VLDLR: variants seen among roughly 807,000 people sequenced by gnomAD.
VLDLR encodes very low-density lipoprotein receptor.
In VLDLR, 81 loss-of-function variants were observed where a neutral mutation model predicts 112.7. The ratio of observed to expected loss-of-function variants is 0.72; its 90% confidence interval spans 0.60 to 0.86. The LOEUF (loss-of-function observed/expected upper bound fraction) is 0.86. Ranked by LOEUF, VLDLR falls within the 40% of genes least tolerant of loss-of-function variation. VLDLR has a pLI of 0.00. For synonymous variants in VLDLR, 436 were observed against 384.8 expected (o/e 1.13, Z -1.56); for missense variants, 1,237 against 1,099.4 (o/e 1.13, Z -1.77).
At position 2,646,390 on chromosome 9, in the gene VLDLR, A is replaced by C. The variant is rs184905581; in HGVS notation, c.1541A>C (p.Asn514Thr). The C allele has an allele frequency of 1.2e-6, 2 of 1,614,176 alleles. No homozygotes were observed. Among genetic ancestry groups the C allele is most frequent in the East Asian group, 4.5e-5 (2 of 44,886 alleles). Reference protein sequence around the residue: ...RHVKMIDNVYNPAAIAVDWVY... With the variant: ...RHVKMIDNVYTPAAIAVDWVY... ...GTTAAAATGATCGACAATGTCTATAATCCTGCAGCCATTGCTGTTGATTGG... is the reference window on the plus strand; with the variant it reads ...GTTAAAATGATCGACAATGTCTATACTCCTGCAGCCATTGCTGTTGATTGG... The change falls in exon 11 of 19, where the codon AAT (asparagine) becomes ACT (threonine). Residue 514 changes from asparagine (N) to threonine (T), a missense_variant. Physicochemically the swap from Asn to Thr is moderately conservative, Grantham distance 65 (BLOSUM62 0). Transcript: ENST00000382100.
intron 1 of VLDLR, among the ~76,000 whole-genome samples, chr9:2,634,936 G>T (rs1055126706): frequency 6.6e-6 from 1 of 152,148 alleles, no homozygotes; most frequent in African/African-American, 2.4e-5. Context: ...AAAGGATTAG[G>T]ACTTGGCTGA....
In VLDLR at chr9:2,635,492, C is replaced by T; in HGVS notation, c.122C>T (p.Thr41Ile). 1 of 1,614,066 alleles carries T rather than the reference C, an allele frequency of 6.2e-7. No homozygotes were observed. The highest frequency in any genetic ancestry group is 8.5e-7 in the Non-Finnish European group (1 of 1,179,986). Residue 41 changes from threonine to isoleucine, a missense_variant, in exon 2 of 19, where the codon ACA (threonine) becomes ATA (isoleucine). Thr to Ile is a moderately conservative substitution (Grantham distance 89). Coordinates refer to ENST00000382100, the MANE Select transcript of VLDLR (RefSeq NM_003383.5). ...AKCEPSQFQCTNGRCITLLWK... is the reference protein window; with the variant it reads ...AKCEPSQFQCINGRCITLLWK... ...TGTGAACCCTCCCAATTCCAGTGCA[C>T]AAATGGTCGCTGTATTACGCTGTTG... is the stretch of plus-strand genomic sequence containing the variant.
intron 1 of VLDLR, among the ~76,000 whole-genome samples, chr9:2,631,271 C>T (rs1817337490): frequency 6.6e-6 from 1 of 152,164 alleles, no homozygotes; most frequent in Non-Finnish European, 1.5e-5. Flanking sequence ...TCCCAAAAAA[C>T]TAAAACTGGA....
intron 7 of VLDLR, 109 bp from the exon 8 acceptor site, chr9:2,644,625 G>A (rs1208302253): frequency 7.1e-7 from 1 of 1,406,376 alleles, no homozygotes; most frequent in Non-Finnish European, 1.0e-6. Flanking sequence ...GACAAATCGT[G>A]GGTTTGACCA....
At chr9:2,648,599 T>C in intron 13 of VLDLR, 70 bp from the exon 14 acceptor site, 4 of 1,608,188 alleles carry the variant, frequency 2.5e-6, no homozygotes, top group Non-Finnish European at 2.6e-6. Context: ...GAGAAGTAAA[T>C]GATGATGACC....
intron 16 of VLDLR, 40 bp from the exon 17 acceptor site, chr9:2,651,834 T>C (rs375891515): frequency 1.9e-6 from 3 of 1,611,392 alleles, no homozygotes; most frequent in African/African-American, 2.7e-5. Flanking sequence ...TAAGTCTGAA[T>C]ACAGATCCTT....
intron 2 of VLDLR, among the ~76,000 whole-genome samples, chr9:2,637,509 C>G (rs1346316268): frequency 6.6e-6 from 1 of 152,188 alleles, no homozygotes; most frequent in African/African-American, 2.4e-5. Context: ...GTTCACATAT[C>G]CTTTCTTTAC....
intron 1 of VLDLR, among the ~76,000 whole-genome samples, chr9:2,632,129 A>G (rs149894735): frequency 1.1e-4 from 17 of 152,330 alleles, no homozygotes; most frequent in Non-Finnish European, 2.4e-4. Context: ...AGGAGCAGAG[A>G]TATTCTAAGG....
chr9:2,652,966 T>C lies in VLDLR; in HGVS notation c.2586+17T>C. 2 of 1,613,938 alleles carry C rather than the reference T, an allele frequency of 1.2e-6. No homozygotes were observed. On this transcript the variant is annotated intron_variant, in intron 18 of 18. Coordinates refer to ENST00000382100, the MANE Select transcript of VLDLR (RefSeq NM_003383.5). ...TACCCAGCAGTAAGTCAGCTTTGTG[T>C]CTTTATACACCATGGCTTGAAGTGA...
In VLDLR at chr9:2,656,480, C is replaced by T. The variant is rs974050428; in HGVS notation, c.*2612C>T. On this transcript the variant is annotated 3_prime_UTR_variant, in exon 19 of 19. Transcript: ENST00000382100. ...AGAAAAAAATAGTTATATGACTAAACTACTAGTCAATACAGCTTGCAATAA... is the reference window on the plus strand; with the variant it reads ...AGAAAAAAATAGTTATATGACTAAATTACTAGTCAATACAGCTTGCAATAA... 2 of 152,008 alleles carry T rather than the reference C, an allele frequency of 1.3e-5. No homozygotes were observed. The highest frequency in any genetic ancestry group is 4.8e-5 in the African/African-American group (2 of 41,390). 9.4% of individuals were successfully genotyped at this position (152,008 alleles called of 1,614,324 possible).
In VLDLR at chr9:2,646,317, G is replaced by A; in HGVS notation, c.1485-17G>A. 1.2e-6 allele frequency: 2 copies of A among 1,612,836 alleles called. No individual in the cohort carries two copies. Among genetic ancestry groups the A allele is most frequent in the East Asian group, 4.5e-5 (2 of 44,866 alleles). Reference sequence around the variant, plus strand: ...TGTGTCAAACTCTTAAATTTCTTGTGACCTATTCTGTTTCAGTGCCTCAAT... The same window carrying A: ...TGTGTCAAACTCTTAAATTTCTTGTAACCTATTCTGTTTCAGTGCCTCAAT... On this transcript the variant is annotated splice_polypyrimidine_tract_variant and intron_variant, in intron 10 of 18. Transcript: ENST00000382100.
chr9:2,656,655 A>G lies in VLDLR; in HGVS notation c.*2787A>G, dbSNP rs373475019. 5 of 152,258 alleles carry G rather than the reference A, an allele frequency of 3.3e-5. No homozygotes were observed. Among genetic ancestry groups the G allele is most frequent in the African/African-American group, 1.2e-4 (5 of 41,558 alleles). 9.4% of individuals were successfully genotyped at this position (152,258 alleles called of 1,614,324 possible). ...AAATATGAAGCTTATCATACACTAAAGGAGAATATTTGGAGTTAGATGAGC... is the reference window on the plus strand; with the variant it reads ...AAATATGAAGCTTATCATACACTAAGGGAGAATATTTGGAGTTAGATGAGC... On this transcript the variant is annotated 3_prime_UTR_variant, in exon 19 of 19. Coordinates refer to ENST00000382100, the MANE Select transcript of VLDLR (RefSeq NM_003383.5).
At position 2,656,935 on chromosome 9, in the gene VLDLR, T is replaced by C. The variant is rs1302975162; in HGVS notation, c.*3067T>C. The C allele has an allele frequency of 2.3e-5, 1 of 44,400 alleles. No individual in the cohort carries two copies. Among genetic ancestry groups the C allele is most frequent in the Non-Finnish European group, 4.2e-5 (1 of 23,908 alleles). The allele number at this position is 44,400 out of a possible 1,614,324, so 2.8% of individuals were successfully genotyped here. On this transcript the variant is annotated 3_prime_UTR_variant, in exon 19 of 19. Coordinates refer to ENST00000382100, the MANE Select transcript of VLDLR (RefSeq NM_003383.5). ...CGCTGCCTCTTTAGTTCTTGATGAA[T>C]ACAAGGCAAAAAAAAAAAAAAAAAA...
chr9:2,624,595 T>G (rs35676099), intron 1 of VLDLR, among the ~76,000 whole-genome samples: 1,545 of 152,288 alleles, frequency 0.01, 21 homozygotes, highest in African/African-American at 0.035. Context: ...GAACCAAGGT[T>G]TTTTGAGAGC....
Position 2,643,188 on chromosome 9 carries a change from C to G in VLDLR, c.477C>G (p.Phe159Leu). ...ATATAACATGTAGTCCCGACGAGTT[C>G]ACCTGCTCCAGTGGCCGCTGCATCT... is the stretch of plus-strand genomic sequence containing the variant. ...CGNITCSPDE[F>L]TCSSGRCISR... Residue 159 changes from phenylalanine (F) to leucine (L), a missense_variant, in exon 5 of 19, where the codon TTC (phenylalanine) becomes TTG (leucine). By Grantham distance (22) the Phe-to-Leu change is conservative (BLOSUM62 0). Transcript: ENST00000382100. The G allele has an allele frequency of 1.2e-6, 2 of 1,613,302 alleles. No homozygotes were observed. The highest frequency in any genetic ancestry group is 1.7e-6 in the Non-Finnish European group (2 of 1,180,006).
At chr9:2,640,099 G>A in intron 3 of VLDLR, 118 bp downstream of exon 3, 1 of 1,533,658 alleles carries the variant, frequency 6.5e-7, no homozygotes, top group Non-Finnish European at 9.0e-7. Flanking sequence ...TAAAGTTTAG[G>A]TCAATTGACT....
Position 2,645,516 on chromosome 9 carries a change from T to G in VLDLR, c.1313-58T>G, listed in dbSNP as rs1818028993. The stretch of plus-strand genomic sequence containing the variant: ...TGCTCCTCTGCTGGGAGGAGGTGGT[T>G]TAGAAAGACCTTGCCTTCTTAAAGC... On this transcript the variant is annotated intron_variant, in intron 9 of 18. Coordinates refer to ENST00000382100, the MANE Select transcript of VLDLR (RefSeq NM_003383.5). 5 of 1,604,624 alleles carry G rather than the reference T, an allele frequency of 3.1e-6. No individual in the cohort carries two copies. The South Asian group carries it at 4.4e-5, about 14-fold the overall frequency.
chr9:2,625,970 A>C (rs765174247), intron 1 of VLDLR, among the ~76,000 whole-genome samples: 13 of 152,166 alleles, frequency 8.5e-5, no homozygotes, highest in Non-Finnish European at 1.6e-4. Context: ...TACTGTCTGC[A>C]TTTTTCAAAC....
At chr9:2,640,491 T>A (rs1331969611) in intron 3 of VLDLR, among the ~76,000 whole-genome samples, 1 of 152,224 alleles carries the variant, frequency 6.6e-6, no homozygotes, top group Non-Finnish European at 1.5e-5. Context: ...TCTTACAGCA[T>A]ATTCTTAAAT....
Sources: allele counts gnomAD v4.1 joint callset (sites outside exome capture counted in the v4.1 genomes callset), GRCh38; gene constraint gnomAD v4.1.1; transcripts MANE v1.5; gene names NCBI Gene and HGNC (gene_info 2026-07-23, HGNC 2026-07-21).